Variants in CABYR observed in about 807,000 individuals in gnomAD.
CABYR encodes calcium-binding tyrosine phosphorylation-regulated protein.
In CABYR, 31 loss-of-function variants were observed where a neutral mutation model predicts 36.1. The observed-to-expected ratio is 0.86, with a 90% CI of 0.64 to 1.16. The LOEUF is 1.16. CABYR is among the 50% of genes most tolerant of loss of function. The probability of loss-of-function intolerance (pLI) is 0.00; values close to 1 mark genes in which losing one functional copy is unlikely to be tolerated. For synonymous variants in CABYR, 146 were observed against 160.7 expected, an observed-to-expected ratio of 0.91 and a Z score of 0.69; for missense variants, 429 against 455.8, an observed-to-expected ratio of 0.94 and a Z score of 0.53.
At chr18:24,143,871 A>T (rs1028138971) in intron 3 of CABYR, among the ~76,000 whole-genome samples, 2 of 151,736 alleles carry the variant, frequency 1.3e-5, no homozygotes, top group East Asian at 3.9e-4. Context: ...ATTACTGAGG[A>T]AAGTTGTATA....
intron 3 of CABYR, among the ~76,000 whole-genome samples, chr18:24,149,465 G>C (rs1161685894): frequency 7.2e-5 from 11 of 152,254 alleles, no homozygotes; most frequent in Non-Finnish European, 1.3e-4. Context: ...GTCCCCACCA[G>C]ACTCAGGAGT....
chr18:24,147,600 G>C (rs2085492157), intron 3 of CABYR, among the ~76,000 whole-genome samples: 1 of 152,074 alleles, frequency 6.6e-6, no homozygotes, highest in Non-Finnish European at 1.5e-5. Flanking sequence ...TTATTCTATA[G>C]AGGAGAGGGT....
rs8090868 is a variant in CABYR, at chr18:24,150,789, T to G, written c.200-4912T>G. On this transcript the variant is annotated intron_variant, in intron 3 of 5. Transcript: ENST00000399496. ...TTTTGTTTTTTTGTTTTTTGTTTTT[T>G]TTTTTTTTTGAGACGGAGTCTCACT... 3.3e-3 allele frequency among the ~76,000 whole-genome samples: 489 copies of G among 148,942 alleles called. 3 individuals carry two copies. The highest frequency in any genetic ancestry group is 0.012 in the African/African-American group (478 of 39,254).
At chr18:24,142,889 G>A (rs1429270572) in intron 1 of CABYR, among the ~76,000 whole-genome samples, 1 of 151,648 alleles carries the variant, frequency 6.6e-6, no homozygotes, top group Non-Finnish European at 1.5e-5. Context: ...AAAAATTAGC[G>A]GGGTGTGGTG....
intron 1 of CABYR, chr18:24,139,941 T>C (rs2085262586): frequency 6.6e-6 from 1 of 150,942 alleles, no homozygotes; most frequent in South Asian, 2.1e-4. Context: ...TCTTTTTTTT[T>C]TTTTTTGAGA....
rs556385419 is a variant in CABYR at position 24,155,894 on chromosome 18, T to C, written c.393T>C (p.Thr131=). ...QFPSVYAVPG[T]EQTEAVGGLS... is the part of the protein sequence containing the mutation. Reference sequence around the variant, plus strand: ...CATCAGTTTATGCTGTGCCAGGCACTGAGCAAACGGAAGCAGTTGGTGGTC... The same window carrying C: ...CATCAGTTTATGCTGTGCCAGGCACCGAGCAAACGGAAGCAGTTGGTGGTC... Residue 131 remains threonine (T), a synonymous_variant, in exon 4 of 6, where the codon ACT becomes ACC. Transcript: ENST00000399496. 150 of 1,614,202 alleles carry C rather than the reference T, an allele frequency of 9.3e-5. 2 individuals are homozygous for C. The South Asian group carries it at 1.6e-3, about 17-fold the overall frequency.
intron 4 of CABYR, chr18:24,156,892 C>T: frequency 1.2e-6 from 2 of 1,614,134 alleles, no homozygotes; most frequent in Non-Finnish European, 1.7e-6. Flanking sequence ...TCAGGTACAT[C>T]TGTAAAGTCA....
chr18:24,145,222 C>G (rs772706863), intron 3 of CABYR, among the ~76,000 whole-genome samples: 2 of 152,150 alleles, frequency 1.3e-5, no homozygotes, highest in Non-Finnish European at 2.9e-5. Context: ...TTTCCAGATG[C>G]TGTGCTAGGT....
rs556319638 is a variant in CABYR at position 24,154,806 on chromosome 18, A to T, written c.200-895A>T. Among the ~76,000 whole-genome samples, 3 of 152,206 alleles carry T rather than the reference A, an allele frequency of 2.0e-5. 1 individual carries two copies. In the East Asian group the frequency reaches 5.8e-4, roughly 29 times the overall value. ...CAGTTTTCCAACTCTAGGATTTTGT[A>T]TATGTCATCAGCTGTTGTGACCTTC... On this transcript the variant is annotated intron_variant, in intron 3 of 5. Transcript: ENST00000399496.
At chr18:24,159,349 A>G (rs952275324) in intron 4 of CABYR, 123 bp from the exon 5 acceptor site, 9 of 697,702 alleles carry the variant, frequency 1.3e-5, no homozygotes, top group Non-Finnish European at 1.8e-5. Flanking sequence ...TCTCTATAGC[A>G]TGCTCTACGG....
At chr18:24,156,947 AG>A (rs759521438) in intron 4 of CABYR, 1 of 1,611,462 alleles carries the variant, frequency 6.2e-7, no homozygotes, top group South Asian at 1.1e-5. Flanking sequence ...TTACTGCACC[AG>A]AAATTGAACC....
chr18:24,161,394 A>T lies in CABYR; in HGVS notation c.*-122A>T, dbSNP rs189445291. On this transcript the variant is annotated intron_variant, in intron 5 of 5. Coordinates refer to ENST00000399496, the MANE Select transcript of CABYR (RefSeq NM_153769.3). The stretch of plus-strand genomic sequence containing the variant: ...ATTTCAGTGCAAAAGCCCATAGGTA[A>T]CTAGTTAAGCTTAGTAACAGAGCAG... The T allele has an allele frequency of 7.9e-6, 5 of 630,954 alleles. No homozygotes were observed. In the East Asian group the frequency reaches 8.3e-5, roughly 10 times the overall value. 39.1% of individuals were successfully genotyped at this position (630,954 alleles called of 1,614,324 possible). A position where few individuals can be genotyped will look rare whatever the true frequency, so the allele number is the denominator to read the frequency against.
chr18:24,160,840 GA>G (rs1427806160), intron 5 of CABYR: 1 of 152,410 alleles, frequency 6.6e-6, no homozygotes, highest in Non-Finnish European at 1.5e-5. Flanking sequence ...CTGAGTATGA[GA>G]AGAAGCCAGC....
At chr18:24,146,532 G>A (rs1203044848) in intron 3 of CABYR, among the ~76,000 whole-genome samples, 3 of 150,448 alleles carry the variant, frequency 2.0e-5, no homozygotes, top group African/African-American at 7.3e-5. Context: ...CTAGGTGACA[G>A]AGCAAGACTG....
intron 3 of CABYR, among the ~76,000 whole-genome samples, chr18:24,147,001 A>G (rs150189116): frequency 1.3e-5 from 2 of 152,272 alleles, no homozygotes; most frequent in Non-Finnish European, 2.9e-5. Context: ...CTTTTAAAGA[A>G]GTTTATAAGC....
At chr18:24,146,314 T>C (rs971212131) in intron 3 of CABYR, among the ~76,000 whole-genome samples, 6 of 152,144 alleles carry the variant, frequency 3.9e-5, no homozygotes, top group Non-Finnish European at 8.8e-5. Flanking sequence ...AAGACAGAAT[T>C]AGGAAACTAA....
At chr18:24,142,861 G>T (rs916968278) in intron 1 of CABYR, among the ~76,000 whole-genome samples, 4 of 151,458 alleles carry the variant, frequency 2.6e-5, no homozygotes, top group African/African-American at 9.7e-5. Context: ...TGAAACCCTG[G>T]CTCTACTAAA....
At chr18:24,146,261 T>C (rs1286122917) in intron 3 of CABYR, among the ~76,000 whole-genome samples, 1 of 152,170 alleles carries the variant, frequency 6.6e-6, no homozygotes, top group Non-Finnish European at 1.5e-5. Context: ...TAAGAAACAT[T>C]TATTCCATAA....
chr18:24,150,514 G>C, intron 3 of CABYR: 1 of 770,080 alleles, frequency 1.3e-6, no homozygotes, highest in Non-Finnish European at 1.6e-6. Flanking sequence ...GAGATCTTTA[G>C]GAAGTCTTAT....
Sources: gnomAD v4.1 joint callset for allele counts (sites outside exome capture counted in the v4.1 genomes callset) on GRCh38, gnomAD v4.1.1 for gene constraint, MANE v1.5 for transcripts, NCBI Gene and HGNC (gene_info 2026-07-23, HGNC 2026-07-21) for gene names.